The following HECW1 variants were observed in gnomAD, a reference collection of about 807,000 sequenced individuals.
The protein encoded by HECW1 is HECT, C2 and WW domain containing E3 ubiquitin protein ligase 1, also known as E3 ubiquitin-protein ligase HECW1.
HECW1 carries 61 observed loss-of-function variants against 182.3 expected under a neutral mutation model. The ratio of observed to expected loss-of-function variants is 0.33; its 90% confidence interval spans 0.27 to 0.41. The LOEUF (loss-of-function observed/expected upper bound fraction) is 0.41, where lower values mean the gene tolerates loss of function less well. Ranked by LOEUF, HECW1 falls within the 10% of genes least tolerant of loss-of-function variation. The pLI is 1.00. For synonymous variants in HECW1, 859 were observed against 832.6 expected (o/e 1.03, Z -0.55); for missense variants, 1,739 against 2,108.9 (o/e 0.82, Z 3.44).
At position 43,561,941 on chromosome 7, in the gene HECW1, G is replaced by T. The variant is rs771460179; in HGVS notation, c.*15G>T. On this transcript the variant is annotated 3_prime_UTR_variant, in exon 30 of 30. Coordinates refer to ENST00000395891, the MANE Select transcript of HECW1 (RefSeq NM_015052.5). ...GACTTGAGTGAGGACATGGAACCTC[G>T]CCTGACATTTTCCTGGCCAGTGACA... 1.3e-6 allele frequency: 2 copies of T among 1,489,484 alleles called. No individual in the cohort carries two copies. The highest frequency in any genetic ancestry group is 1.9e-6 in the Non-Finnish European group (2 of 1,066,706). 92.3% of individuals were successfully genotyped at this position (1,489,484 alleles called of 1,614,324 possible).
chr7:43,399,238 A>G (rs1334958391), intron 7 of HECW1, among the ~76,000 whole-genome samples: 1 of 152,212 alleles, frequency 6.6e-6, no homozygotes, highest in Non-Finnish European at 1.5e-5. Context: ...AGTTCCTCCC[A>G]AAGTTAGTTG....
chr7:43,441,710 C>T (rs2076894936), intron 9 of HECW1, among the ~76,000 whole-genome samples: 3 of 152,240 alleles, frequency 2.0e-5, no homozygotes, highest in Admixed American at 2.0e-4. Context: ...CGTAAGCTAA[C>T]AAGCATGGCC....
Position 43,554,601 on chromosome 7 carries a change from A to C in HECW1, c.4520A>C (p.Asp1507Ala). The C allele has an allele frequency of 6.2e-7, 1 of 1,612,574 alleles. No homozygotes were observed. The highest frequency in any genetic ancestry group is 2.2e-5 in the East Asian group (1 of 44,860). ...CCTTTGCCTCGTGCAGGTTACCACG[A>C]TGGGCATCTTGTGATCCGCTGGTTC... ...NNTEYRGGYH[D>A]GHLVIRWFWA... Residue 1507 changes from aspartate to alanine, a missense_variant, in exon 29 of 30, where the codon GAT (aspartate) becomes GCT (alanine). Coordinates refer to ENST00000395891, the MANE Select transcript of HECW1 (RefSeq NM_015052.5).
chr7:43,117,372 C>T (rs1415495079), intron 2 of HECW1, among the ~76,000 whole-genome samples: 2 of 152,120 alleles, frequency 1.3e-5, no homozygotes, highest in African/African-American at 4.8e-5. Flanking sequence ...CACTCAACTT[C>T]CTATAACATC....
chr7:43,273,147 C>T (rs1802625158), intron 3 of HECW1, among the ~76,000 whole-genome samples: 1 of 151,996 alleles, frequency 6.6e-6, no homozygotes, highest in South Asian at 2.1e-4. Context: ...AAGATGGCAA[C>T]AGTAGAAACT....
intron 29 of HECW1, among the ~76,000 whole-genome samples, chr7:43,558,585 C>G (rs2152964528): frequency 6.6e-6 from 1 of 152,168 alleles, no homozygotes; most frequent in African/African-American, 2.4e-5. Flanking sequence ...TGAGTAGAAG[C>G]CAAGGATGCT....
At chr7:43,462,007 G>A (rs1563009507) in intron 13 of HECW1, among the ~76,000 whole-genome samples, 1 of 152,154 alleles carries the variant, frequency 6.6e-6, no homozygotes, top group Non-Finnish European at 1.5e-5. Flanking sequence ...TGATGCTCTT[G>A]CAAATGGCTG....
chr7:43,545,450 G>A (rs934486842), intron 26 of HECW1, among the ~76,000 whole-genome samples: 1 of 152,174 alleles, frequency 6.6e-6, no homozygotes, highest in African/African-American at 2.4e-5. Context: ...AGAATGTGTT[G>A]TAGATCTATA....
chr7:43,467,554 A>G (rs751403352), intron 15 of HECW1, among the ~76,000 whole-genome samples: 3 of 151,966 alleles, frequency 2.0e-5, no homozygotes, highest in Admixed American at 6.6e-5. Context: ...CTGCCTGACC[A>G]GAGGGGTTGA....
intron 5 of HECW1, among the ~76,000 whole-genome samples, chr7:43,355,618 CAA>C (rs59685030): frequency 4.0e-5 from 6 of 151,022 alleles, no homozygotes; most frequent in African/African-American, 1.5e-4. Context: ...AAATAAAAAG[CAA>C]AAAAACATAC....
At chr7:43,152,747 T>C (rs1450897515) in intron 2 of HECW1, among the ~76,000 whole-genome samples, 1 of 152,200 alleles carries the variant, frequency 6.6e-6, no homozygotes, top group Non-Finnish European at 1.5e-5. Context: ...AGTCTATCAA[T>C]TGGTGGAGCT....
chr7:43,315,392 C>T (rs561105439), intron 4 of HECW1, among the ~76,000 whole-genome samples: 3 of 151,944 alleles, frequency 2.0e-5, no homozygotes, highest in South Asian at 2.1e-4. Flanking sequence ...AAGAGAATGG[C>T]GCTTCTACAT....
At chr7:43,336,433 G>T (rs1202789942) in intron 5 of HECW1, among the ~76,000 whole-genome samples, 3 of 152,012 alleles carry the variant, frequency 2.0e-5, no homozygotes, top group Non-Finnish European at 4.4e-5. Flanking sequence ...CTCTCAAAGT[G>T]CTGGGATTAC....
intron 20 of HECW1, 132 bp downstream of exon 20, chr7:43,500,914 A>G (rs78224160): frequency 0.18 from 137,880 of 754,728 alleles, 14,595 homozygotes; most frequent in Middle Eastern, 0.21. Flanking sequence ...ACTGCAACGC[A>G]AGTGGGACCC....
intron 21 of HECW1, among the ~76,000 whole-genome samples, chr7:43,504,419 C>T (rs2079494389): frequency 1.3e-5 from 2 of 152,216 alleles, no homozygotes; most frequent in South Asian, 4.1e-4. Context: ...TTTCTCCTTT[C>T]CTTTCTAACG....
rs568226007 is a variant in HECW1 at position 43,552,923 on chromosome 7, A to G, written c.4510+587A>G. On this transcript the variant is annotated intron_variant, in intron 28 of 29. Coordinates refer to ENST00000395891, the MANE Select transcript of HECW1 (RefSeq NM_015052.5). The stretch of plus-strand genomic sequence containing the variant: ...GGTGACATCGTCCTCATATTGGTCG[A>G]GTCTCTGGCTTAACTCGATGTAGAG... 2.6e-5 allele frequency among the ~76,000 whole-genome samples: 4 copies of G among 152,284 alleles called. No individual in the cohort carries two copies. In the South Asian group the frequency reaches 8.3e-4, roughly 32 times the overall value.
chr7:43,223,110 T>G (rs1336608670), intron 2 of HECW1, among the ~76,000 whole-genome samples: 1 of 152,234 alleles, frequency 6.6e-6, no homozygotes, highest in African/African-American at 2.4e-5. Flanking sequence ...GGTTAAAAAA[T>G]GAAGTCATCC....
intron 6 of HECW1, among the ~76,000 whole-genome samples, chr7:43,379,316 T>A (rs2074455178): frequency 6.6e-6 from 1 of 152,132 alleles, no homozygotes; most frequent in South Asian, 2.1e-4. Flanking sequence ...ATGAAGGCAA[T>A]CAGAACACAG....
At chr7:43,234,331 A>G (rs1798124059) in intron 2 of HECW1, among the ~76,000 whole-genome samples, 1 of 152,152 alleles carries the variant, frequency 6.6e-6, no homozygotes, top group Admixed American at 6.5e-5. Context: ...TTCCCCACTC[A>G]GGGCTCACCA....
Sources: gnomAD v4.1 joint callset for allele counts (sites outside exome capture counted in the v4.1 genomes callset) on GRCh38, gnomAD v4.1.1 for gene constraint, MANE v1.5 for transcripts, NCBI Gene and HGNC (gene_info 2026-07-23, HGNC 2026-07-21) for gene names.